NRG3: variants seen among roughly 807,000 people sequenced by gnomAD.
NRG3 encodes the protein neuregulin 3.
In NRG3, 31 loss-of-function variants were observed where a neutral mutation model predicts 66.9. The ratio of observed to expected loss-of-function variants is 0.46; its 90% CI spans 0.35 to 0.63. The LOEUF (loss-of-function observed/expected upper bound fraction) is 0.63, where lower values mean the gene tolerates loss of function less well. NRG3 is among the 20% of genes least tolerant of loss of function. NRG3 has a pLI of 0.00. For missense variants in NRG3, 910 were observed against 878.9 expected, an observed-to-expected ratio of 1.04 and a Z score of -0.45; for synonymous variants, 393 against 359.4, an observed-to-expected ratio of 1.09 and a Z score of -1.06.
intron 3 of NRG3, among the ~76,000 whole-genome samples, chr10:82,857,408 C>T (rs889069170): frequency 6.6e-6 from 1 of 151,956 alleles, no homozygotes; most frequent in African/African-American, 2.4e-5. Context: ...AGTGGTTTTC[C>T]CTCCTGCATG....
At chr10:82,606,333 G>A (rs1470023750) in intron 2 of NRG3, among the ~76,000 whole-genome samples, 2 of 152,100 alleles carry the variant, frequency 1.3e-5, no homozygotes, top group Admixed American at 6.6e-5. Context: ...GGGTTTTCCA[G>A]TTATCTTTAC....
chr10:82,462,205 G>A (rs2091549025), intron 2 of NRG3, among the ~76,000 whole-genome samples: 1 of 152,096 alleles, frequency 6.6e-6, no homozygotes, highest in Non-Finnish European at 1.5e-5. Flanking sequence ...GTCCTTAGAG[G>A]TTGATTTGGA....
intron 2 of NRG3, among the ~76,000 whole-genome samples, chr10:82,721,138 T>G (rs1303884391): frequency 3.5e-5 from 4 of 115,462 alleles, no homozygotes; most frequent in African/African-American, 1.4e-4. Context: ...TTTTTTTTTT[T>G]TTTTTTTTTT....
chr10:82,367,002 G>T (rs746018230), intron 2 of NRG3, among the ~76,000 whole-genome samples: 1 of 152,288 alleles, frequency 6.6e-6, no homozygotes, highest in East Asian at 1.9e-4. Context: ...TAAGCAAGGC[G>T]TGTTCGACTC....
intron 3 of NRG3, among the ~76,000 whole-genome samples, chr10:82,786,441 C>T (rs1267947577): frequency 2.0e-5 from 3 of 151,732 alleles, no homozygotes; most frequent in Non-Finnish European, 4.4e-5. Context: ...TTTTGTGCCT[C>T]TCTCTCTCTC....
chr10:82,937,232 A>G (rs1488001703), intron 4 of NRG3, among the ~76,000 whole-genome samples: 1 of 152,218 alleles, frequency 6.6e-6, no homozygotes, highest in African/African-American at 2.4e-5. Flanking sequence ...GAAACCAATT[A>G]TATTTTATTA....
At chr10:82,165,886 C>A (rs2072010337) in intron 1 of NRG3, among the ~76,000 whole-genome samples, 1 of 151,898 alleles carries the variant, frequency 6.6e-6, no homozygotes, top group Non-Finnish European at 1.5e-5. Flanking sequence ...CTAAGTACAT[C>A]TAGTCAACAT....
At chr10:82,440,619 G>A (rs2090387059) in intron 2 of NRG3, among the ~76,000 whole-genome samples, 1 of 151,882 alleles carries the variant, frequency 6.6e-6, no homozygotes, top group South Asian at 2.1e-4. Flanking sequence ...TGGAACTCTT[G>A]TGGAGATGGT....
chr10:82,458,192 G>A (rs187577284), intron 2 of NRG3, among the ~76,000 whole-genome samples: 160 of 152,284 alleles, frequency 1.1e-3, no homozygotes, highest in African/African-American at 3.6e-3. Flanking sequence ...CCAACCAGGG[G>A]ACAGCTGTCC....
At chr10:82,263,889 C>A (rs2078162989) in intron 1 of NRG3, among the ~76,000 whole-genome samples, 1 of 152,088 alleles carries the variant, frequency 6.6e-6, no homozygotes, top group African/African-American at 2.4e-5. Context: ...ATTTAAAATC[C>A]AGTTTAAGTT....
chr10:82,000,114 G>T (rs1271781150), intron 1 of NRG3, among the ~76,000 whole-genome samples: 2 of 152,112 alleles, frequency 1.3e-5, no homozygotes, highest in Non-Finnish European at 2.9e-5. Context: ...GCTAAGTTAT[G>T]TTTCTGGTTG....
intron 2 of NRG3, among the ~76,000 whole-genome samples, chr10:82,359,377 T>TC (rs2083979787): frequency 6.6e-6 from 1 of 152,204 alleles, no homozygotes; most frequent in Admixed American, 6.5e-5. Context: ...CAGTACTTTT[T>TC]CTTAACACCT....
chr10:82,984,343 T>C (rs1237987563), intron 8 of NRG3, among the ~76,000 whole-genome samples: 2 of 152,212 alleles, frequency 1.3e-5, no homozygotes, highest in Non-Finnish European at 1.5e-5. Context: ...GCCCTTGCCA[T>C]GGACCAAAGA....
intron 2 of NRG3, among the ~76,000 whole-genome samples, chr10:82,713,450 T>C (rs1285216944): frequency 6.6e-6 from 1 of 152,110 alleles, no homozygotes; most frequent in East Asian, 1.9e-4. Context: ...TCTCCTACCA[T>C]TGGATAAGGG....
intron 3 of NRG3, among the ~76,000 whole-genome samples, chr10:82,744,927 G>C (rs926828817): frequency 2.0e-5 from 3 of 152,070 alleles, no homozygotes; most frequent in Admixed American, 6.6e-5. Context: ...TGTTTCAACT[G>C]TCACCTTGAT....
chr10:81,936,274 C>A (rs920169981), intron 1 of NRG3, among the ~76,000 whole-genome samples: 36 of 152,078 alleles, frequency 2.4e-4, no homozygotes, highest in African/African-American at 8.5e-4. Flanking sequence ...TGGATAAAAT[C>A]TCTGAGTTTG....
chr10:81,998,212 T>A lies in NRG3; in HGVS notation c.823+122049T>A, dbSNP rs2061019720. 3.9e-5 allele frequency among the ~76,000 whole-genome samples: 6 copies of A among 152,342 alleles called. No homozygotes were observed. The South Asian group carries it at 1.2e-3, about 32-fold the overall frequency. ...AATACACATGGAATGTGATTAAACT[T>A]GTGTCTTCTGCTTATCAAACAGGTG... On this transcript the variant is annotated intron_variant, in intron 1 of 8. Transcript: ENST00000372141.
intron 2 of NRG3, among the ~76,000 whole-genome samples, chr10:82,362,139 G>A (rs2084188830): frequency 7.2e-6 from 1 of 138,128 alleles, no homozygotes; most frequent in South Asian, 2.3e-4. Context: ...AAAGGGAGGA[G>A]TTGAAAGTGG....
At chr10:82,303,934 A>G (rs901132906) in intron 1 of NRG3, among the ~76,000 whole-genome samples, 1 of 152,266 alleles carries the variant, frequency 6.6e-6, no homozygotes, top group African/African-American at 2.4e-5. Context: ...TTCCTTATGG[A>G]TGTTTAGCTT....
Sources: gnomAD v4.1 joint callset for allele counts (sites outside exome capture counted in the v4.1 genomes callset) on GRCh38, gnomAD v4.1.1 for gene constraint, MANE v1.5 for transcripts, NCBI Gene and HGNC (gene_info 2026-07-23, HGNC 2026-07-21) for gene names.